The following CASTOR2 variants were observed in gnomAD, a reference collection of about 807,000 sequenced individuals.
CASTOR2 encodes GATS protein like 2.
In CASTOR2, 8 loss-of-function variants were observed where a neutral mutation model predicts 31.2. The ratio of observed to expected loss-of-function variants is 0.26; its 90% CI spans 0.15 to 0.46. CASTOR2 has a LOEUF of 0.46. Ranked by LOEUF, CASTOR2 falls within the 20% of genes least tolerant of loss-of-function variation. The pLI, the probability that CASTOR2 is intolerant of heterozygous loss-of-function variation, is 0.99. For missense variants in CASTOR2, 216 were observed against 382.1 expected (o/e 0.57, Z 3.62); for synonymous variants, 162 against 158.7 (o/e 1.02, Z -0.16).
chr7:75,019,992 C>T (rs1804954907), intron 5 of CASTOR2, 47 bp from the exon 6 acceptor site: 2 of 1,520,492 alleles, frequency 1.3e-6, no homozygotes. Flanking sequence ...GTGAATGGGG[C>T]AGGGGCCACA....
In CASTOR2 at chr7:75,029,963, A is replaced by C. The variant is rs17148727; in HGVS notation, c.*5264A>C. 0.6 allele frequency among the ~76,000 whole-genome samples: 91,165 copies of C among 151,986 alleles called. 27,879 individuals carry two copies. The highest frequency in any genetic ancestry group is 0.86 in the East Asian group (4,427 of 5,148). Reference sequence around the variant, plus strand: ...GCTTGAGGCCAAGATAGCAAGACCAACCTGGTCAACATAGCAAGACCCTGC... The same window carrying C: ...GCTTGAGGCCAAGATAGCAAGACCACCCTGGTCAACATAGCAAGACCCTGC... On this transcript the variant is annotated 3_prime_UTR_variant, in exon 9 of 9. Coordinates refer to ENST00000616305, the MANE Select transcript of CASTOR2 (RefSeq NM_001145064.3).
intron 1 of CASTOR2, among the ~76,000 whole-genome samples, chr7:74,999,634 T>TG (rs1804446478): frequency 8.7e-6 from 1 of 114,620 alleles, no homozygotes; most frequent in Non-Finnish European, 2.0e-5. Flanking sequence ...TTTTTTTTTT[T>TG]TTGAGACGGA....
rs1000646499 is a variant in CASTOR2 at position 75,019,932 on chromosome 7, C to T, written c.636-107C>T. 11 of 967,122 alleles carry T rather than the reference C, an allele frequency of 1.1e-5. No individual in the cohort carries two copies. The African/African-American group carries it at 1.5e-4, about 13-fold the overall frequency. 59.9% of individuals were successfully genotyped at this position (967,122 alleles called of 1,614,324 possible). On this transcript the variant is annotated intron_variant, in intron 5 of 8. Coordinates refer to ENST00000616305, the MANE Select transcript of CASTOR2 (RefSeq NM_001145064.3). The stretch of plus-strand genomic sequence containing the variant: ...GATGAGAAGGACACTGGCCCAGGGT[C>T]ACCCAGGTGGCATCAAAGCCTGGGC...
intron 1 of CASTOR2, among the ~76,000 whole-genome samples, chr7:74,978,202 C>G (rs1465198120): frequency 2.0e-5 from 3 of 149,236 alleles, no homozygotes; most frequent in Non-Finnish European, 4.5e-5. Flanking sequence ...CTCCTGGGTT[C>G]AAGCAATTCT....
chr7:74,970,284 G>A (rs1803650764), intron 1 of CASTOR2, among the ~76,000 whole-genome samples: 1 of 143,656 alleles, frequency 7.0e-6, no homozygotes, highest in Non-Finnish European at 1.5e-5. Context: ...AGGAGCATCT[G>A]GGTGTGGCTG....
intron 2 of CASTOR2, among the ~76,000 whole-genome samples, chr7:75,010,768 C>T (rs1459560235): frequency 6.6e-6 from 1 of 151,856 alleles, no homozygotes; most frequent in East Asian, 1.9e-4. Context: ...TTCCAGGGTG[C>T]GTTTCCTGGT....
At chr7:75,021,046 C>T (rs1382486601) in intron 6 of CASTOR2, among the ~76,000 whole-genome samples, 7 of 152,024 alleles carry the variant, frequency 4.6e-5, no homozygotes, top group African/African-American at 1.5e-4. Context: ...GGCTGGAGTG[C>T]AGTGGCGCGA....
chr7:75,014,212 C>T (rs1165154741), intron 2 of CASTOR2, among the ~76,000 whole-genome samples: 1 of 151,970 alleles, frequency 6.6e-6, no homozygotes, highest in African/African-American at 2.4e-5. Flanking sequence ...GAACTGGGGA[C>T]AGCGGTACAT....
chr7:75,019,748 C>T (rs71558572), intron 5 of CASTOR2, among the ~76,000 whole-genome samples: 15,800 of 152,252 alleles, frequency 0.1, 942 homozygotes, highest in Middle Eastern at 0.29. Context: ...TGGGGCGGGG[C>T]AGGGTCCAGC....
chr7:74,972,233 C>T (rs1242950502), intron 1 of CASTOR2, among the ~76,000 whole-genome samples: 5 of 145,784 alleles, frequency 3.4e-5, no homozygotes, highest in Non-Finnish European at 7.6e-5. Context: ...AATCCTCTCA[C>T]CTCGGCCTCC....
At chr7:75,011,384 A>G (rs1287901019) in intron 2 of CASTOR2, among the ~76,000 whole-genome samples, 1 of 149,926 alleles carries the variant, frequency 6.7e-6, no homozygotes, top group African/African-American at 2.4e-5. Context: ...AGCCAAGATC[A>G]TGCCACTGCA....
Position 75,030,630 on chromosome 7 carries a change from C to G in CASTOR2, c.*5931C>G, listed in dbSNP as rs1278839486. ...GGCCTCAGTCCTTCCCCAGGTGGGC[C>G]AACCCACAGGGCTGCTTGAGTGTCT... On this transcript the variant is annotated 3_prime_UTR_variant, in exon 9 of 9. Transcript: ENST00000616305. Among the ~76,000 whole-genome samples, 1 of 152,172 alleles carries G rather than the reference C, an allele frequency of 6.6e-6. No homozygotes were observed. Among genetic ancestry groups the G allele is most frequent in the Admixed American group, 6.5e-5 (1 of 15,286 alleles).
At chr7:74,988,943 A>G (rs1402689638) in intron 1 of CASTOR2, among the ~76,000 whole-genome samples, 1 of 148,510 alleles carries the variant, frequency 6.7e-6, no homozygotes, top group Non-Finnish European at 1.5e-5. Flanking sequence ...GCATTCAGCC[A>G]TAACACTGGA....
chr7:75,007,893 T>G, intron 1 of CASTOR2, 101 bp from the exon 2 acceptor site: 1 of 1,573,432 alleles, frequency 6.4e-7, no homozygotes, highest in Middle Eastern at 1.7e-4. Flanking sequence ...GGGCCGGAAC[T>G]CTGGGTGAAC....
chr7:74,991,215 C>T (rs1338281227), intron 1 of CASTOR2, among the ~76,000 whole-genome samples: 18 of 152,258 alleles, frequency 1.2e-4, no homozygotes, highest in Middle Eastern at 6.8e-3. Flanking sequence ...TAGTGGGAGA[C>T]GCAGTGGCCT....
intron 1 of CASTOR2, among the ~76,000 whole-genome samples, chr7:74,987,526 C>T (rs1341921450): frequency 1.3e-5 from 2 of 152,146 alleles, no homozygotes; most frequent in Admixed American, 6.6e-5. Flanking sequence ...GGGCCTTTCT[C>T]CCGCAGAGGG....
intron 2 of CASTOR2, among the ~76,000 whole-genome samples, chr7:75,010,082 G>T (rs1430285734): frequency 3.3e-5 from 5 of 151,676 alleles, no homozygotes; most frequent in Non-Finnish European, 5.9e-5. Context: ...GCTTTTTCCT[G>T]AACTCCCCTC....
At chr7:74,989,418 GGGTAA>G (rs1804151748) in intron 1 of CASTOR2, among the ~76,000 whole-genome samples, 3 of 150,552 alleles carry the variant, frequency 2.0e-5, no homozygotes, top group Non-Finnish European at 3.0e-5. Flanking sequence ...CACCATGCCT[GGGTAA>G]TTTTTGTTTT....
At position 75,024,760 on chromosome 7, in the gene CASTOR2, T is replaced by G; in HGVS notation, c.*61T>G. On this transcript the variant is annotated 3_prime_UTR_variant, in exon 9 of 9. Transcript: ENST00000616305. Reference sequence around the variant, plus strand: ...GCCCAGCCCTAACCCTGAAGATTGATCTTGCAGTATTTCTCTACAGACTGG... The same window carrying G: ...GCCCAGCCCTAACCCTGAAGATTGAGCTTGCAGTATTTCTCTACAGACTGG... 6.4e-7 allele frequency: 1 copy of G among 1,551,418 alleles called. No individual in the cohort carries two copies. The highest frequency in any genetic ancestry group is 8.7e-7 in the Non-Finnish European group (1 of 1,146,828).
Sources: gnomAD v4.1 joint callset for allele counts (sites outside exome capture counted in the v4.1 genomes callset) on GRCh38, gnomAD v4.1.1 for gene constraint, MANE v1.5 for transcripts, NCBI Gene and HGNC (gene_info 2026-07-23, HGNC 2026-07-21) for gene names.